Variants in MYOM1 observed in about 807,000 individuals in gnomAD.
The protein encoded by MYOM1 is myomesin-1.
In MYOM1, 164 loss-of-function variants were observed where a neutral mutation model predicts 205.3. The ratio of observed to expected loss-of-function variants is 0.80; its 90% confidence interval spans 0.70 to 0.91. MYOM1 has a LOEUF of 0.91. Ranked by LOEUF, MYOM1 falls within the 40% of genes least tolerant of loss-of-function variation. The pLI is 0.00. For synonymous variants in MYOM1, 772 were observed against 789.4 expected (o/e 0.98, Z 0.37); for missense variants, 2,011 against 2,127.3 (o/e 0.95, Z 1.08).
Position 3,209,698 on chromosome 18 carries a change from C to T in MYOM1, c.290+5236G>A, listed in dbSNP as rs1370786692. ...CCTGGTGCACCTTTACCCAGATAAC[C>T]TCATGGCTACCTCTCTGAGCTACTT... On this transcript the variant is annotated intron_variant, in intron 2 of 37. Coordinates refer to ENST00000356443, the MANE Select transcript of MYOM1 (RefSeq NM_003803.4). The surrounding 1 kb of genome is among the most constrained non-coding windows in gnomAD (Gnocchi z 4.0). Among the ~76,000 whole-genome samples, 1 of 152,168 alleles carries T rather than the reference C, an allele frequency of 6.6e-6. No individual in the cohort carries two copies. Among genetic ancestry groups the T allele is most frequent in the Non-Finnish European group, 1.5e-5 (1 of 68,030 alleles).
At chr18:3,120,726 A>G (rs530897212) in intron 19 of MYOM1, among the ~76,000 whole-genome samples, 1 of 152,302 alleles carries the variant, frequency 6.6e-6, no homozygotes, top group Admixed American at 6.5e-5. Context: ...GGTGAAATTT[A>G]AACGAGTTCT....
chr18:3,075,360 T>C, intron 36 of MYOM1, 94 bp downstream of exon 36: 3 of 1,217,374 alleles, frequency 2.5e-6, no homozygotes, highest in South Asian at 1.3e-5. Context: ...ACCACTTCCA[T>C]TCTCCTCCAT....
chr18:3,073,805 G>A (rs538978230), intron 36 of MYOM1, among the ~76,000 whole-genome samples: 1 of 152,316 alleles, frequency 6.6e-6, no homozygotes, highest in South Asian at 2.1e-4. Context: ...GGCCTCTTCA[G>A]CTCATCCACG....
intron 36 of MYOM1, among the ~76,000 whole-genome samples, chr18:3,074,289 G>C (rs1198654117): frequency 1.3e-5 from 2 of 152,142 alleles, no homozygotes; most frequent in African/African-American, 4.8e-5. Context: ...TGAGCAGGAG[G>C]GGGAAAGTGG....
intron 23 of MYOM1, among the ~76,000 whole-genome samples, chr18:3,101,686 A>G (rs958134475): frequency 6.6e-6 from 1 of 152,222 alleles, no homozygotes; most frequent in Non-Finnish European, 1.5e-5. Flanking sequence ...CTAGCCCCCT[A>G]TAAGTATCCT....
upstream of MYOM1, among the ~76,000 whole-genome samples, chr18:3,222,492 C>G (rs2081336307): frequency 6.6e-6 from 1 of 152,146 alleles, no homozygotes; most frequent in Non-Finnish European, 1.5e-5. Context: ...TTTAGTTTTT[C>G]TATAGTGTGT....
At position 3,168,889 on chromosome 18, in the gene MYOM1, T is replaced by TC. The variant is rs1219668857; in HGVS notation, c.1266dup (p.Ser423GlufsTer11). The TC allele has an allele frequency of 2.5e-6, 4 of 1,613,928 alleles. No individual in the cohort carries two copies. Among genetic ancestry groups the TC allele is most frequent in the Non-Finnish European group, 3.4e-6 (4 of 1,179,858 alleles). On this transcript the variant is annotated frameshift_variant, in exon 9 of 38. Coordinates refer to ENST00000356443, the MANE Select transcript of MYOM1 (RefSeq NM_003803.4). LOFTEE classifies it high-confidence loss of function. ...GTGATGACAACACGACAGCCTAGAC[T>TC]CATTGTCTCTCCCTCTCTCCCAAAA...
At chr18:3,087,583 G>A (rs1567898350) in intron 29 of MYOM1, among the ~76,000 whole-genome samples, 1 of 149,554 alleles carries the variant, frequency 6.7e-6, no homozygotes, top group African/African-American at 2.5e-5. Context: ...TCAGCCTCCC[G>A]GGTTCAAGTG....
chr18:3,230,670 C>T, the MYOM1 span, among the ~76,000 whole-genome samples: 1 of 152,190 alleles, frequency 6.6e-6, no homozygotes, highest in Non-Finnish European at 1.5e-5. Flanking sequence ...CCACTACTTC[C>T]TTTACCTAGG....
intron 22 of MYOM1, among the ~76,000 whole-genome samples, chr18:3,109,828 G>A (rs190744471): frequency 2.0e-5 from 3 of 152,090 alleles, no homozygotes; most frequent in Admixed American, 1.3e-4. Context: ...GTCCCACTAT[G>A]TTGCTCAGGG....
intron 22 of MYOM1, among the ~76,000 whole-genome samples, chr18:3,111,429 A>G (rs1452695266): frequency 2.0e-5 from 3 of 152,116 alleles, no homozygotes; most frequent in African/African-American, 7.2e-5. Context: ...GCATCTTTGA[A>G]ACTGGGAAAT....
At chr18:3,142,625 A>C (rs1453814220) in intron 13 of MYOM1, among the ~76,000 whole-genome samples, 1 of 152,008 alleles carries the variant, frequency 6.6e-6, no homozygotes, top group African/African-American at 2.4e-5. Flanking sequence ...TCTTATCTTT[A>C]AATAGTTCTG....
chr18:3,090,881 A>C (rs2079217304), intron 26 of MYOM1, 79 bp from the exon 27 acceptor site: 3 of 1,564,006 alleles, frequency 1.9e-6, no homozygotes, highest in African/African-American at 2.7e-5. Context: ...TTGATGAAAT[A>C]AAAATAAACC....
At chr18:3,084,619 T>A (rs1297737417) in intron 31 of MYOM1, among the ~76,000 whole-genome samples, 1 of 152,226 alleles carries the variant, frequency 6.6e-6, no homozygotes, top group Non-Finnish European at 1.5e-5. Flanking sequence ...TTGTCCTTAG[T>A]AGTCTCTGAA....
chr18:3,071,785 A>G, intron 37 of MYOM1, 49 bp downstream of exon 37: 1 of 1,553,778 alleles, frequency 6.4e-7, no homozygotes, highest in East Asian at 2.4e-5. Context: ...GGGTGCTGGA[A>G]CCTGTTCATA....
At chr18:3,178,893 T>C (rs56778580) in intron 5 of MYOM1, among the ~76,000 whole-genome samples, 4 of 151,418 alleles carry the variant, frequency 2.6e-5, no homozygotes, top group African/African-American at 9.7e-5. Flanking sequence ...TTTGAGACAG[T>C]GTCTCGCTCT....
chr18:3,141,931 A>G lies in MYOM1; in HGVS notation c.2025+8T>C. On this transcript the variant is annotated splice_region_variant and intron_variant, in intron 14 of 37. Transcript: ENST00000356443. ...TAGTATGAGGTCATGTTGATTCTAG[A>G]GTCTTACCTTTTCCACAAAGTACAT... 6.2e-7 allele frequency: 1 copy of G among 1,613,576 alleles called. No individual in the cohort carries two copies. The highest frequency in any genetic ancestry group is 8.5e-7 in the Non-Finnish European group (1 of 1,179,684).
At chr18:3,222,997 C>T (rs2144286384), upstream of MYOM1, among the ~76,000 whole-genome samples, 1 of 152,240 alleles carries the variant, frequency 6.6e-6, no homozygotes, top group Non-Finnish European at 1.5e-5. Context: ...ATTCTCCCAC[C>T]TCAGCCTCCC....
At chr18:3,117,614 G>A (rs1487694100) in intron 20 of MYOM1, among the ~76,000 whole-genome samples, 3 of 152,036 alleles carry the variant, frequency 2.0e-5, no homozygotes, top group African/African-American at 7.3e-5. Flanking sequence ...ATCTTTGCAT[G>A]ACCACCAGCT....
Sources: gnomAD v4.1 joint callset for allele counts (sites outside exome capture counted in the v4.1 genomes callset) on GRCh38, gnomAD v4.1.1 for gene constraint, Gnocchi (gnomAD v3.1) non-coding constraint, MANE v1.5 for transcripts, NCBI Gene and HGNC (gene_info 2026-07-23, HGNC 2026-07-21) for gene names.